STK24: variants seen among roughly 807,000 people sequenced by gnomAD.
The protein encoded by STK24 is serine/threonine-protein kinase 24.
A neutral mutation model predicts 55.6 loss-of-function variants in STK24; 21 were observed. The observed-to-expected ratio is 0.38, with a 90% CI of 0.27 to 0.54. The LOEUF is 0.54. STK24 is among the 20% of genes least tolerant of loss of function. The pLI is 0.79. For synonymous variants in STK24, 200 were observed against 215.2 expected (o/e 0.93, Z 0.62); for missense variants, 383 against 538.4 (o/e 0.71, Z 2.86).
chr13:98,448,082 CT>C lies in STK24; in HGVS notation c.*5090del. On this transcript the variant is annotated 3_prime_UTR_variant, in exon 11 of 11. Coordinates refer to ENST00000539966, the MANE Select transcript of STK24 (RefSeq NM_001032296.4). Reference sequence around the variant, plus strand: ...GGTCTCCACTGTACCTCAGGAACGCCTGGGTGCTGGCTGTTCCCTTGCTCTT... The same window carrying C: ...GGTCTCCACTGTACCTCAGGAACGCCGGGTGCTGGCTGTTCCCTTGCTCTT... 1.5e-6 allele frequency: 1 copy of C among 670,086 alleles called. No homozygotes were observed. The highest frequency in any genetic ancestry group is 2.7e-6 in the Non-Finnish European group (1 of 367,842). The allele number at this position is 670,086 out of a possible 1,614,324, so 41.5% of individuals were successfully genotyped here.
chr13:98,469,948 A>G (rs1894079539), intron 5 of STK24, among the ~76,000 whole-genome samples: 1 of 152,236 alleles, frequency 6.6e-6, no homozygotes, highest in South Asian at 2.1e-4. Context: ...CTACATTTTA[A>G]ATTTGGAAAA....
chr13:98,516,975 T>C (rs553045772), intron 2 of STK24, among the ~76,000 whole-genome samples: 2 of 152,326 alleles, frequency 1.3e-5, no homozygotes, highest in East Asian at 3.9e-4. Flanking sequence ...TCTAGATACA[T>C]GCAGATATGT....
intron 1 of STK24, among the ~76,000 whole-genome samples, chr13:98,568,419 T>C (rs1038775304): frequency 4.6e-5 from 7 of 151,954 alleles, no homozygotes; most frequent in Admixed American, 1.3e-4. Context: ...CAGAAGTGGG[T>C]AGACAGCCAG....
At chr13:98,460,317 C>A in intron 9 of STK24, 55 bp downstream of exon 9, 2 of 1,500,116 alleles carry the variant, frequency 1.3e-6, no homozygotes, top group Non-Finnish European at 1.9e-6. Context: ...TGAAGTGTGT[C>A]CAGCTTCTCC....
Position 98,533,117 on chromosome 13 carries a change from G to A in STK24, c.43-13644C>T, listed in dbSNP as rs181207420. Among the ~76,000 whole-genome samples, 30 of 152,318 alleles carry A rather than the reference G, an allele frequency of 2.0e-4. 1 individual carries two copies. The highest frequency in any genetic ancestry group is 2.2e-4 in the Non-Finnish European group (15 of 68,028). On this transcript the variant is annotated intron_variant, in intron 1 of 10. Transcript: ENST00000539966. ...TTTCAGGCCGGGTGTGGTGGCTCAC[G>A]CCTATAATCCCAGCACTTTGGGAGG...
chr13:98,477,286 G>C (rs1479277655), intron 3 of STK24, among the ~76,000 whole-genome samples: 40 of 152,192 alleles, frequency 2.6e-4, no homozygotes, highest in Admixed American at 2.6e-3. Context: ...TCATCACCTG[G>C]GTGGACAGTG....
intron 1 of STK24, among the ~76,000 whole-genome samples, chr13:98,527,866 T>A (rs1896476599): frequency 6.6e-6 from 1 of 152,190 alleles, no homozygotes. Context: ...TCACCTGCTT[T>A]ATTGGAACAA....
chr13:98,543,079 A>T (rs1896932773), intron 1 of STK24: 1 of 954,046 alleles, frequency 1.0e-6, no homozygotes, highest in African/African-American at 1.8e-5. Context: ...GGGAGGGGGG[A>T]GAGGCCGCAG....
At chr13:98,544,923 A>G (rs1270557875) in intron 1 of STK24, among the ~76,000 whole-genome samples, 5 of 152,246 alleles carry the variant, frequency 3.3e-5, no homozygotes, top group Non-Finnish European at 5.9e-5. Context: ...AAAAAAGCAT[A>G]TCATCTGAAG....
At chr13:98,517,832 C>A (rs562066543) in intron 2 of STK24, among the ~76,000 whole-genome samples, 1 of 152,278 alleles carries the variant, frequency 6.6e-6, no homozygotes, top group African/African-American at 2.4e-5. Context: ...TGCAAACTAC[C>A]TTCATTGCAT....
intron 9 of STK24, among the ~76,000 whole-genome samples, chr13:98,458,097 T>G (rs371679878): frequency 6.6e-6 from 1 of 152,322 alleles, no homozygotes; most frequent in East Asian, 1.9e-4. Context: ...ATATTTGATT[T>G]CATGTAAATA....
chr13:98,538,901 A>G (rs1896807823), intron 1 of STK24, among the ~76,000 whole-genome samples: 1 of 152,226 alleles, frequency 6.6e-6, no homozygotes, highest in South Asian at 2.1e-4. Flanking sequence ...AACCACAGAA[A>G]AGATAATACT....
chr13:98,452,260 G>C lies in STK24; in HGVS notation c.*913C>G, dbSNP rs750153912. ...CAAGGTGCAACAGAAAATCGTATTGGAAAGGACGGTACATCTGGCGCAGAC... is the reference window on the plus strand; with the variant it reads ...CAAGGTGCAACAGAAAATCGTATTGCAAAGGACGGTACATCTGGCGCAGAC... On this transcript the variant is annotated 3_prime_UTR_variant, in exon 11 of 11. Transcript: ENST00000539966. 1.3e-5 allele frequency: 2 copies of C among 152,286 alleles called. No homozygotes were observed. Among genetic ancestry groups the C allele is most frequent in the Non-Finnish European group, 2.9e-5 (2 of 68,038 alleles). The allele number at this position is 152,286 out of a possible 1,614,324, so 9.4% of individuals were successfully genotyped here. A position where few individuals can be genotyped will look rare whatever the true frequency, so the allele number is the denominator to read the frequency against.
chr13:98,548,916 C>T (rs1280178448), intron 1 of STK24, among the ~76,000 whole-genome samples: 1 of 148,828 alleles, frequency 6.7e-6, no homozygotes, highest in African/African-American at 2.5e-5. Context: ...TACCATATGA[C>T]CTTCAATACA....
chr13:98,568,761 G>A (rs1238201309), intron 1 of STK24, among the ~76,000 whole-genome samples: 3 of 152,058 alleles, frequency 2.0e-5, no homozygotes, highest in African/African-American at 4.8e-5. Context: ...CCAGCTACTC[G>A]GGAGGCTGAG....
chr13:98,468,625 T>C (rs184741916), intron 5 of STK24, among the ~76,000 whole-genome samples: 106 of 152,348 alleles, frequency 7.0e-4, no homozygotes, highest in African/African-American at 2.4e-3. Flanking sequence ...TCCACATCTG[T>C]CTGCTTCCCC....
chr13:98,446,520 C>A lies in STK24; in HGVS notation c.*6653G>T. 2 of 798,060 alleles carry A rather than the reference C, an allele frequency of 2.5e-6. No individual in the cohort carries two copies. Among genetic ancestry groups the A allele is most frequent in the Non-Finnish European group, 2.0e-6 (1 of 493,392 alleles). The allele number at this position is 798,060 out of a possible 1,614,324, so 49.4% of individuals were successfully genotyped here. ...ACCCGGGCCATCACGTACAGGCAAA[C>A]ACTGGCTGCCATGGTCCCTTCCAGG... On this transcript the variant is annotated 3_prime_UTR_variant, in exon 11 of 11. Transcript: ENST00000539966.
chr13:98,492,856 G>GA (rs1236711041), intron 2 of STK24, among the ~76,000 whole-genome samples: 2 of 152,184 alleles, frequency 1.3e-5, no homozygotes, highest in African/African-American at 2.4e-5. Context: ...AGGAAGGAGA[G>GA]AAACTGGGAC....
intron 1 of STK24, among the ~76,000 whole-genome samples, 198 bp from the exon 2 acceptor site, chr13:98,519,671 G>A (rs1040567337): frequency 1.4e-4 from 21 of 152,102 alleles, no homozygotes; most frequent in Admixed American, 1.2e-3. Context: ...CTACACATGC[G>A]CATCAGACTA....
Sources: gnomAD v4.1 joint callset for allele counts (sites outside exome capture counted in the v4.1 genomes callset) on GRCh38, gnomAD v4.1.1 for gene constraint, MANE v1.5 for transcripts, NCBI Gene and HGNC (gene_info 2026-07-23, HGNC 2026-07-21) for gene names.